STRIP2: variants seen among roughly 807,000 people sequenced by gnomAD.
STRIP2 encodes the protein striatin-interacting protein 2.
In STRIP2, 84 loss-of-function variants were observed where a neutral mutation model predicts 107.1. That is an observed-to-expected ratio of 0.78 (90% CI 0.66 to 0.94). STRIP2 has a LOEUF of 0.94. STRIP2 is among the 40% of genes least tolerant of loss of function. STRIP2 has a pLI of 0.00. For synonymous variants in STRIP2, 394 were observed against 400.4 expected (o/e 0.98, Z 0.19); for missense variants, 888 against 1,034.2 (o/e 0.86, Z 1.94).
intron 5 of STRIP2, 91 bp downstream of exon 5, chr7:129,453,438 C>T (rs1798254362): frequency 6.6e-7 from 1 of 1,518,750 alleles, no homozygotes. Flanking sequence ...CTATAGAGAC[C>T]CCCTGTGAGG....
In STRIP2 at chr7:129,451,658, C is replaced by G. The variant is rs1347444834; in HGVS notation, c.320C>G (p.Ala107Gly). The change falls in exon 4 of 21, where the codon GCC becomes GGC. Residue 107 changes from alanine (A) to glycine (G), a missense_variant. By Grantham distance (60) the Ala-to-Gly change is moderately conservative. Transcript: ENST00000249344. ...WLELEEDAQK[A>G]YIMGLLDRLE... ...GAGTTGGAAGAAGATGCCCAAAAGG[C>G]CTATATAATGGGACTCTTGGACCGG... 6.2e-7 allele frequency: 1 copy of G among 1,614,098 alleles called. No individual in the cohort carries two copies. The highest frequency in any genetic ancestry group is 2.2e-5 in the East Asian group (1 of 44,874).
chr7:129,456,570 C>T lies in STRIP2; in HGVS notation c.966C>T (p.Tyr322=), dbSNP rs1310865974. 2.5e-6 allele frequency: 4 copies of T among 1,614,030 alleles called. No homozygotes were observed. The highest frequency in any genetic ancestry group is 3.4e-6 in the Non-Finnish European group (4 of 1,180,032). Residue 322 remains tyrosine (Y), a synonymous_variant, in exon 9 of 21, where the codon TAC becomes TAT. Transcript: ENST00000249344. ...KSMRAASPPS[Y]TLDLGESQLA... ...TGCGTGCTGCCTCCCCGCCCTCTTA[C>T]ACTCTTGACCTGGGAGAGTCTCAGC...
In STRIP2 at chr7:129,458,050, G is replaced by A. The variant is rs528908860; in HGVS notation, c.1039-165G>A. On this transcript the variant is annotated intron_variant, in intron 9 of 20. Coordinates refer to ENST00000249344, the MANE Select transcript of STRIP2 (RefSeq NM_020704.3). This position sits in a 1 kb window ranked among gnomAD's most constrained non-coding sequence, Gnocchi z 4.6. ...GAACTTCTTGTCCTGTTATTGGGCC[G>A]GGTGGGGACAGTAGGTTAAGGTGGG... 1.9e-5 allele frequency: 13 copies of A among 681,792 alleles called. No homozygotes were observed. The highest frequency in any genetic ancestry group is 5.5e-5 in the East Asian group (2 of 36,554). The allele number at this position is 681,792 out of a possible 1,614,324, so 42.2% of individuals were successfully genotyped here.
In STRIP2 at chr7:129,460,364, A is replaced by G. The variant is rs1393206719; in HGVS notation, c.1468A>G (p.Met490Val). The G allele has an allele frequency of 1.9e-6, 3 of 1,613,610 alleles. No individual in the cohort carries two copies. Among genetic ancestry groups the G allele is most frequent in the Non-Finnish European group, 2.5e-6 (3 of 1,179,866 alleles). Residue 490 changes from methionine to valine, a missense_variant, in exon 13 of 21, where the codon ATG becomes GTG. Coordinates refer to ENST00000249344, the MANE Select transcript of STRIP2 (RefSeq NM_020704.3). ...TGAAGAGGAGCTGGAGAAGTGCCCT[A>G]TGTCTTTGGTGAGCCAAGGAAGCCC... ...KNEEELEKCP[M>V]SLGEEVVPET... is the part of the protein sequence containing the mutation.
intron 17 of STRIP2, among the ~76,000 whole-genome samples, chr7:129,469,255 C>T (rs1342351739): frequency 6.6e-6 from 1 of 152,230 alleles, no homozygotes; most frequent in East Asian, 1.9e-4. Flanking sequence ...TTGGCCTGAA[C>T]AAGATGATCC....
chr7:129,441,004 A>G (rs1460211049), intron 2 of STRIP2, among the ~76,000 whole-genome samples: 5 of 152,068 alleles, frequency 3.3e-5, no homozygotes, highest in African/African-American at 1.2e-4. Context: ...CATAATAGGA[A>G]TATGATATAA....
chr7:129,437,690 A>C (rs587499), intron 1 of STRIP2, among the ~76,000 whole-genome samples: 95,840 of 151,988 alleles, frequency 0.63, 30,653 homozygotes, highest in East Asian at 0.95. Flanking sequence ...ATAAAACAGC[A>C]ACAACCCTAT....
At chr7:129,481,776 C>T (rs1184011354) in intron 19 of STRIP2, among the ~76,000 whole-genome samples, 1 of 151,904 alleles carries the variant, frequency 6.6e-6, no homozygotes, top group Non-Finnish European at 1.5e-5. Flanking sequence ...TGAGGCAGTT[C>T]TGTACTGATA....
intron 2 of STRIP2, among the ~76,000 whole-genome samples, chr7:129,442,503 G>A (rs762890777): frequency 5.3e-5 from 8 of 151,926 alleles, no homozygotes; most frequent in Non-Finnish European, 7.4e-5. Flanking sequence ...GTTTGACCTG[G>A]GTAGAAGATA....
chr7:129,449,062 G>A (rs1798112166), intron 3 of STRIP2, among the ~76,000 whole-genome samples: 1 of 152,078 alleles, frequency 6.6e-6, no homozygotes, highest in Non-Finnish European at 1.5e-5. Context: ...ACTCAGAGTG[G>A]GCCATCTTTT....
intron 18 of STRIP2, among the ~76,000 whole-genome samples, chr7:129,472,886 A>C (rs913903745): frequency 7.1e-6 from 1 of 140,122 alleles, no homozygotes; most frequent in Admixed American, 7.9e-5. Flanking sequence ...TCGTGAGTCC[A>C]AGTGATTTTC....
In STRIP2 at chr7:129,455,382, C is replaced by T. The variant is rs1449234179; in HGVS notation, c.834+11C>T. On this transcript the variant is annotated intron_variant, in intron 8 of 20. Transcript: ENST00000249344. ...TGGAAGGTGGTCATGGTGAGTAATT[C>T]TCCCCACTCCCACATTATCAGATCA... The T allele has an allele frequency of 1.2e-6, 2 of 1,610,226 alleles. No individual in the cohort carries two copies. Among genetic ancestry groups the T allele is most frequent in the African/African-American group, 1.3e-5 (1 of 74,824 alleles).
rs760821638 is a variant in STRIP2, at chr7:129,485,881, G to C, written c.*52G>C. On this transcript the variant is annotated 3_prime_UTR_variant, in exon 21 of 21. Coordinates refer to ENST00000249344, the MANE Select transcript of STRIP2 (RefSeq NM_020704.3). ...AGATAGAGGTCAGCTCCAATAAACT[G>C]TGCTCTGCCTACCCTGTCCATACAG... 7 of 1,602,464 alleles carry C rather than the reference G, an allele frequency of 4.4e-6. No homozygotes were observed. The highest frequency in any genetic ancestry group is 6.0e-6 in the Non-Finnish European group (7 of 1,174,950).
Position 129,458,517 on chromosome 7 carries a change from T to C in STRIP2, c.1274+67T>C, listed in dbSNP as rs1238023327. 8 of 1,367,742 alleles carry C rather than the reference T, an allele frequency of 5.8e-6. No homozygotes were observed. Among genetic ancestry groups the C allele is most frequent in the Non-Finnish European group, 6.9e-6 (7 of 1,009,402 alleles). 84.7% of individuals were successfully genotyped at this position (1,367,742 alleles called of 1,614,324 possible). On this transcript the variant is annotated intron_variant, in intron 10 of 20. Transcript: ENST00000249344. The surrounding 1 kb of genome is among the most constrained non-coding windows in gnomAD (Gnocchi z 4.6). ...CAGTCTCCAAAGGCCCAAGATGGGG[T>C]AGTCTATGTATTCAAGGCTCGTTAA... is the stretch of plus-strand genomic sequence containing the variant.
At chr7:129,443,351 A>G (rs1797952422) in intron 2 of STRIP2, among the ~76,000 whole-genome samples, 1 of 152,118 alleles carries the variant, frequency 6.6e-6, no homozygotes, top group African/African-American at 2.4e-5. Context: ...CGTGGCTGGC[A>G]TTTTTATTTC....
Position 129,470,672 on chromosome 7 carries a change from G to C in STRIP2, c.1901G>C (p.Cys634Ser), listed in dbSNP as rs141655777. The C allele has an allele frequency of 9.3e-6, 15 of 1,613,894 alleles. No homozygotes were observed. In the African/African-American group the frequency reaches 1.6e-4, roughly 17 times the overall value. The change falls in exon 18 of 21, where the codon TGC becomes TCC. Residue 634 changes from cysteine to serine, a missense_variant. Cys to Ser is a moderately radical substitution (Grantham distance 112). Coordinates refer to ENST00000249344, the MANE Select transcript of STRIP2 (RefSeq NM_020704.3). Reference sequence around the variant, plus strand: ...AGCATCTCAGTCCTGGATTATCCTTGCTGTACCATCCAGGATTTGCCGGAG... The same window carrying C: ...AGCATCTCAGTCCTGGATTATCCTTCCTGTACCATCCAGGATTTGCCGGAG... ...KNSISVLDYP[C>S]CTIQDLPELT...
chr7:129,435,047 C>T lies in STRIP2; in HGVS notation c.129+446C>T, dbSNP rs576983284. ...AGTGGGGCAACCGCAGTCCCCCTCC[C>T]AGGCTGCCTGCGGCGGGCCCCTGGG... On this transcript the variant is annotated intron_variant, in intron 1 of 20. Coordinates refer to ENST00000249344, the MANE Select transcript of STRIP2 (RefSeq NM_020704.3). Among the ~76,000 whole-genome samples the T allele has an allele frequency of 8.5e-4, 129 of 152,276 alleles. 2 individuals are homozygous for T. The South Asian group carries it at 0.025, about 30-fold the overall frequency.
intron 11 of STRIP2, 67 bp from the exon 12 acceptor site, chr7:129,459,450 G>A: frequency 7.5e-7 from 1 of 1,326,392 alleles, no homozygotes; most frequent in South Asian, 1.2e-5. Context: ...ACTCTAGGGG[G>A]GTATTGGGGT....
rs1298553596 is a variant in STRIP2, at chr7:129,457,650, T to C, written c.1039-565T>C. ...TGTTTTATAAAGTAATGCTTACTCA[T>C]TGTAGAAAATTTGGAACAAATATAA... On this transcript the variant is annotated intron_variant, in intron 9 of 20. Transcript: ENST00000249344. Among the ~76,000 whole-genome samples the C allele has an allele frequency of 2.0e-5, 3 of 152,196 alleles. No homozygotes were observed. In the South Asian group the frequency reaches 6.2e-4, roughly 31 times the overall value.
Sources: gnomAD v4.1 joint callset for allele counts (sites outside exome capture counted in the v4.1 genomes callset) on GRCh38, gnomAD v4.1.1 for gene constraint, Gnocchi (gnomAD v3.1) non-coding constraint, MANE v1.5 for transcripts, NCBI Gene and HGNC (gene_info 2026-07-23, HGNC 2026-07-21) for gene names.